The following SYNE2 variants were observed in gnomAD, a reference collection of about 807,000 sequenced individuals.
SYNE2 encodes spectrin repeat containing nuclear envelope protein 2, also known as nesprin-2.
A neutral mutation model predicts 856.3 loss-of-function variants in SYNE2; 431 were observed. That is an observed-to-expected ratio of 0.50 (90% confidence interval 0.47 to 0.55). The LOEUF (loss-of-function observed/expected upper bound fraction) is 0.55. Among genes scored for constraint, SYNE2 ranks in the 20% least tolerant of loss-of-function variants. The pLI is 0.00. For missense variants in SYNE2, 8,129 were observed against 8,023.2 expected (o/e 1.01, Z -0.50); for synonymous variants, 2,923 against 2,872.3 (o/e 1.02, Z -0.56).
chr14:64,133,102 A>G (rs376918676), intron 77 of SYNE2, among the ~76,000 whole-genome samples: 82 of 151,998 alleles, frequency 5.4e-4, no homozygotes, highest in African/African-American at 1.9e-3. Context: ...GCTACTCAGG[A>G]GGCTGAGGCA....
chr14:64,145,459 G>T (rs2098175288), intron 83 of SYNE2, among the ~76,000 whole-genome samples: 1 of 144,730 alleles, frequency 6.9e-6, no homozygotes, highest in Non-Finnish European at 1.5e-5. Flanking sequence ...AGTGAGCCGA[G>T]ATTGCACCAT....
chr14:64,200,367 C>T (rs1333222008), intron 99 of SYNE2, among the ~76,000 whole-genome samples: 1 of 152,148 alleles, frequency 6.6e-6, no homozygotes, highest in Admixed American at 6.5e-5. Flanking sequence ...GGGAAGCTCT[C>T]GTGGCTGGGC....
At chr14:63,902,626 G>C (rs116175288) in intron 1 of SYNE2, among the ~76,000 whole-genome samples, 21 of 151,904 alleles carry the variant, frequency 1.4e-4, no homozygotes, top group African/African-American at 5.1e-4. Context: ...CTAGAGACCC[G>C]GGAGACTCAA....
In SYNE2 at chr14:64,224,379, A is replaced by C; in HGVS notation, c.20383-82A>C. On this transcript the variant is annotated intron_variant, in intron 113 of 115. Transcript: ENST00000555002. ...AAACAAAACAAAAAAAGATTGATTT[A>C]AGGTAGGGGAGGGTGAGCTATATCA... 3 of 1,173,610 alleles carry C rather than the reference A, an allele frequency of 2.6e-6. 1 individual carries two copies. Among genetic ancestry groups the C allele is most frequent in the African/African-American group, 1.5e-5 (1 of 65,548 alleles). The allele number at this position is 1,173,610 out of a possible 1,614,324, so 72.7% of individuals were successfully genotyped here.
intron 2 of SYNE2, among the ~76,000 whole-genome samples, chr14:63,917,493 G>A (rs1263848059): frequency 1.3e-5 from 2 of 151,724 alleles, no homozygotes; most frequent in South Asian, 2.1e-4. Context: ...TTTTTGAGAC[G>A]GAATTTCACT....
intron 6 of SYNE2, among the ~76,000 whole-genome samples, chr14:63,942,436 A>G (rs1355509585): frequency 5.3e-5 from 8 of 152,102 alleles, no homozygotes; most frequent in African/African-American, 1.9e-4. Context: ...CTTCTGTCTC[A>G]GCCTCCTGAG....
intron 1 of SYNE2, among the ~76,000 whole-genome samples, chr14:63,827,897 T>C (rs1889518062): frequency 6.6e-6 from 1 of 151,734 alleles, no homozygotes; most frequent in Middle Eastern, 3.4e-3. Flanking sequence ...TAACAGCAGA[T>C]TGAAAATATT....
At chr14:63,936,549 A>G (rs1247429378) in intron 2 of SYNE2, among the ~76,000 whole-genome samples, 1 of 152,176 alleles carries the variant, frequency 6.6e-6, no homozygotes, top group Non-Finnish European at 1.5e-5. Context: ...AAGAAAGAAC[A>G]GCTGGTGCCA....
rs536250343 is a variant in SYNE2 at position 63,877,441 on chromosome 14, C to T, written c.-52+24298C>T. ...TTTGTACCAACAGGAGATTTCTGAG[C>T]AGTTCCATTTTTCCTGCTGAGAGGT... On this transcript the variant is annotated intron_variant, in intron 1 of 115. Transcript: ENST00000555002. 5.3e-5 allele frequency among the ~76,000 whole-genome samples: 8 copies of T among 152,300 alleles called. No individual in the cohort carries two copies. In the East Asian group the frequency reaches 1.3e-3, roughly 26 times the overall value.
At position 64,219,303 on chromosome 14, in the gene SYNE2, G is replaced by A. The variant is rs148199074; in HGVS notation, c.19753G>A (p.Ala6585Thr). 1.2e-5 allele frequency: 20 copies of A among 1,613,890 alleles called. No individual in the cohort carries two copies. In the Admixed American group the frequency reaches 1.7e-4, roughly 13 times the overall value. ...GCAACAGCTGAACTCTGATATCAGC[G>A]CCATCACTACTTGGCTGAAAAAAAC... is the stretch of plus-strand genomic sequence containing the variant. The part of the protein sequence containing the change: ...NLQQLNSDIS[A>T]ITTWLKKTEA... The change falls in exon 110 of 116, where the codon GCC (alanine) becomes ACC (threonine). Residue 6585 changes from alanine to threonine, a missense_variant. By Grantham distance (58) the Ala-to-Thr change is moderately conservative. Transcript: ENST00000555002.
chr14:63,955,198 T>C (rs2096226203), intron 8 of SYNE2, among the ~76,000 whole-genome samples: 1 of 152,240 alleles, frequency 6.6e-6, no homozygotes. Context: ...TTTTTCTTCT[T>C]GATTCTGTTA....
At chr14:64,056,701 G>A (rs1181306766) in intron 49 of SYNE2, among the ~76,000 whole-genome samples, 1 of 148,406 alleles carries the variant, frequency 6.7e-6, no homozygotes, top group Non-Finnish European at 1.5e-5. Flanking sequence ...ACAAAGTTTC[G>A]CTTTTGTTGC....
In SYNE2 at chr14:64,141,394, T is replaced by C. The variant is rs1277819815; in HGVS notation, c.15030T>C (p.Ser5010=). ...EKSSLKTAVI[S]IGNQLLHLKE... ...CCTCCTTGAAGACTGCCGTTATCAG[T>C]ATCGGGAACCAGCTTCTTCACCTGA... The change falls in exon 81 of 116, where the codon AGT becomes AGC. Residue 5010 remains serine, a synonymous_variant. Coordinates refer to ENST00000555002, the MANE Select transcript of SYNE2 (RefSeq NM_182914.3). 1 of 1,614,126 alleles carries C rather than the reference T, an allele frequency of 6.2e-7. No homozygotes were observed. The highest frequency in any genetic ancestry group is 1.7e-5 in the Admixed American group (1 of 60,036).
At position 64,027,520 on chromosome 14, in the gene SYNE2, T is replaced by G. The variant is rs1444055297; in HGVS notation, c.6441T>G (p.Tyr2147Ter). The G allele has an allele frequency of 6.2e-7, 1 of 1,603,390 alleles. No homozygotes were observed. The highest frequency in any genetic ancestry group is 1.3e-5 in the African/African-American group (1 of 74,374). ...QEKLLLEGEK[Y>*]LQSKEDLRLM... The stretch of plus-strand genomic sequence containing the variant: ...AGCTTCTACTAGAAGGAGAGAAATA[T>G]TTACAAAGTAAGGAGGATCTGAGAT... Residue 2147 changes from tyrosine to a stop codon, truncating the protein, a stop_gained, in exon 43 of 116, where the codon TAT becomes TAG. Coordinates refer to ENST00000555002, the MANE Select transcript of SYNE2 (RefSeq NM_182914.3). LOFTEE classifies it high-confidence loss of function.
rs912380945 is a variant in SYNE2, at chr14:64,190,092, T to C, written c.17893T>C (p.Leu5965=). 2.5e-6 allele frequency: 4 copies of C among 1,613,922 alleles called. No homozygotes were observed. Among genetic ancestry groups the C allele is most frequent in the Admixed American group, 3.3e-5 (2 of 59,986 alleles). Residue 5965 remains leucine, a synonymous_variant, in exon 99 of 116, where the codon TTG becomes CTG. Coordinates refer to ENST00000555002, the MANE Select transcript of SYNE2 (RefSeq NM_182914.3). ...LQKDCMEEIN[L]FSENKLQLKQ... Reference sequence around the variant, plus strand: ...CCAGGACTGCATGGAAGAAATAAACTTGTTTAGTGAAAACAAGTTACAGTT... The same window carrying C: ...CCAGGACTGCATGGAAGAAATAAACCTGTTTAGTGAAAACAAGTTACAGTT...
In SYNE2 at chr14:64,220,436, G is replaced by A. The variant is rs750730426; in HGVS notation, c.19861-1G>A. 1.9e-6 allele frequency: 3 copies of A among 1,614,162 alleles called. No individual in the cohort carries two copies. Among genetic ancestry groups the A allele is most frequent in the Non-Finnish European group, 1.7e-6 (2 of 1,179,984 alleles). On this transcript the variant is annotated splice_acceptor_variant, in intron 110 of 115. Coordinates refer to ENST00000555002, the MANE Select transcript of SYNE2 (RefSeq NM_182914.3). LOFTEE classifies it high-confidence loss of function. ...AACCTCATCTTTTCTCTCTCTGGTA[G>A]GAGATACTGAAAGCCTTTGACACTT... is the stretch of plus-strand genomic sequence containing the variant.
chr14:64,000,551 G>C lies in SYNE2; in HGVS notation c.3481-11G>C. 1 of 1,610,682 alleles carries C rather than the reference G, an allele frequency of 6.2e-7. No individual in the cohort carries two copies. The highest frequency in any genetic ancestry group is 1.1e-5 in the South Asian group (1 of 90,894). On this transcript the variant is annotated splice_polypyrimidine_tract_variant and intron_variant, in intron 27 of 115. Transcript: ENST00000555002. ...CATTAGTTGATAAATTAATTTATGT[G>C]TTCCATCTAGGTCATAAAAAATGAA...
At chr14:63,765,684 C>T (rs1474731523) in intron 1 of SYNE2, among the ~76,000 whole-genome samples, 2 of 152,036 alleles carry the variant, frequency 1.3e-5, no homozygotes, top group African/African-American at 4.8e-5. Context: ...TAAAAAACAA[C>T]AAGAAATATG....
chr14:63,852,617 G>A (rs1172951477), upstream of SYNE2, among the ~76,000 whole-genome samples: 1 of 152,148 alleles, frequency 6.6e-6, no homozygotes, highest in Non-Finnish European at 1.5e-5. Context: ...CTCATGGTCT[G>A]GTAGCTAATC....
Sources: gnomAD v4.1 joint callset for allele counts (sites outside exome capture counted in the v4.1 genomes callset) on GRCh38, gnomAD v4.1.1 for gene constraint, MANE v1.5 for transcripts, NCBI Gene and HGNC (gene_info 2026-07-23, HGNC 2026-07-21) for gene names.